The following USP8 variants were observed in gnomAD, a reference collection of about 807,000 sequenced individuals.
USP8 encodes the protein ubiquitin specific peptidase 8.
Under a neutral mutation model 130.0 loss-of-function variants are expected in USP8, and 27 were observed. That is an observed-to-expected ratio of 0.21 (90% confidence interval 0.15 to 0.29). The LOEUF is 0.29. Ranked by LOEUF, USP8 falls within the 10% of genes least tolerant of loss-of-function variation. The pLI is 1.00. For missense variants in USP8, 1,029 were observed against 1,312.2 expected (o/e 0.78, Z 3.33); for synonymous variants, 392 against 444.1 (o/e 0.88, Z 1.48).
chr15:50,486,034 C>T (rs1595974874), intron 12 of USP8, among the ~76,000 whole-genome samples: 1 of 151,942 alleles, frequency 6.6e-6, no homozygotes, highest in Admixed American at 6.6e-5. Flanking sequence ...TTCACAGATG[C>T]AGAACCGATG....
At chr15:50,490,238 T>G (rs75246077) in intron 13 of USP8, 25 bp from the exon 14 acceptor site, 1 of 1,159,128 alleles carries the variant, frequency 8.6e-7, no homozygotes, top group South Asian at 1.7e-5. Flanking sequence ...TTTTGACCTG[T>G]TTTTTTTTTT....
At chr15:50,436,345 G>A (rs61347713) in intron 1 of USP8, among the ~76,000 whole-genome samples, 2,348 of 151,674 alleles carry the variant, frequency 0.015, 62 homozygotes, top group African/African-American at 0.055. Context: ...TCTCTTTGAT[G>A]ATGACTTCCA....
At chr15:50,480,696 G>T (rs2051735390) in intron 10 of USP8, among the ~76,000 whole-genome samples, 1 of 152,122 alleles carries the variant, frequency 6.6e-6, no homozygotes. Flanking sequence ...GTAGGCAGAT[G>T]TAAGACCATA....
rs1191881928 is a variant in USP8, at chr15:50,514,260, G to A, written c.*15172G>A. ...AAGTCAGTGGTTTTCCAGACTCGAAGGCAGGTACAAGCACAGTTAGGGTGC... is the reference window on the plus strand; with the variant it reads ...AAGTCAGTGGTTTTCCAGACTCGAAAGCAGGTACAAGCACAGTTAGGGTGC... On this transcript the variant is annotated 3_prime_UTR_variant, in exon 20 of 20. Transcript: ENST00000307179. The A allele has an allele frequency of 6.6e-6, 1 of 152,136 alleles. No homozygotes were observed. Among genetic ancestry groups the A allele is most frequent in the Admixed American group, 6.6e-5 (1 of 15,262 alleles). The allele number at this position is 152,136 out of a possible 1,614,324, so 9.4% of individuals were successfully genotyped here. A position where few individuals can be genotyped will look rare whatever the true frequency, so the allele number is the denominator to read the frequency against.
chr15:50,508,289 G>A lies in USP8; in HGVS notation c.*9201G>A, dbSNP rs1305431857. 6.6e-6 allele frequency: 1 copy of A among 152,084 alleles called. No homozygotes were observed. Among genetic ancestry groups the A allele is most frequent in the Non-Finnish European group, 1.5e-5 (1 of 68,014 alleles). 9.4% of individuals were successfully genotyped at this position (152,084 alleles called of 1,614,324 possible). A position where few individuals can be genotyped will look rare whatever the true frequency, so the allele number is the denominator to read the frequency against. Reference sequence around the variant, plus strand: ...ACTATATCAAAACATGGGATGCACTGATGTCTGAGAATGTCTTAAAAATAA... The same window carrying A: ...ACTATATCAAAACATGGGATGCACTAATGTCTGAGAATGTCTTAAAAATAA... On this transcript the variant is annotated 3_prime_UTR_variant, in exon 20 of 20. Transcript: ENST00000307179.
chr15:50,458,873 G>A, intron 4 of USP8, 127 bp from the exon 5 acceptor site: 1 of 1,097,150 alleles, frequency 9.1e-7, no homozygotes, highest in Non-Finnish European at 1.3e-6. Context: ...GTGAATTGTG[G>A]TGGAGGGAGA....
rs139912757 is a variant in USP8, at chr15:50,481,627, C to T, written c.1365C>T (p.Leu455=). The T allele has an allele frequency of 6.8e-5, 110 of 1,613,860 alleles. No individual in the cohort carries two copies. The African/African-American group carries it at 1.0e-3, about 15-fold the overall frequency. The change falls in exon 11 of 20, where the codon CTC becomes CTT. Residue 455 remains leucine, a synonymous_variant. Transcript: ENST00000307179. ...AGCCAGTAGTTTTTTCTCCAACTCT[C>T]ATGTTAACAGATGAAGAAAAGGCTC... The part of the protein sequence containing the change: ...STKPVVFSPT[L]MLTDEEKARI...
At chr15:50,475,120 A>T (rs975268088) in intron 8 of USP8, among the ~76,000 whole-genome samples, 1 of 152,192 alleles carries the variant, frequency 6.6e-6, no homozygotes, top group African/African-American at 2.4e-5. Context: ...AAAAGAAAAG[A>T]CATTTAACTA....
intron 1 of USP8, among the ~76,000 whole-genome samples, chr15:50,429,261 C>T (rs975370819): frequency 6.7e-6 from 1 of 149,548 alleles, no homozygotes; most frequent in African/African-American, 2.5e-5. Flanking sequence ...CATTATAATA[C>T]CAATTTCAGA....
At chr15:50,467,019 C>T (rs1471993833) in intron 7 of USP8, 3 of 544,062 alleles carry the variant, frequency 5.5e-6, no homozygotes, top group African/African-American at 1.9e-5. Context: ...CTTGCACATC[C>T]TTTCTGAGAT....
chr15:50,499,304 A>G lies in USP8; in HGVS notation c.*216A>G. ...TCACTTACAGGTACCATTTATTTCAAAACAACTTTTTTAGTCTGCTCCAAA... is the reference window on the plus strand; with the variant it reads ...TCACTTACAGGTACCATTTATTTCAGAACAACTTTTTTAGTCTGCTCCAAA... On this transcript the variant is annotated 3_prime_UTR_variant, in exon 20 of 20. Transcript: ENST00000307179. The G allele has an allele frequency of 2.6e-6, 1 of 385,566 alleles. No homozygotes were observed. Among genetic ancestry groups the G allele is most frequent in the Non-Finnish European group, 4.5e-6 (1 of 223,796 alleles). 23.9% of individuals were successfully genotyped at this position (385,566 alleles called of 1,614,324 possible). A position where few individuals can be genotyped will look rare whatever the true frequency, so the allele number is the denominator to read the frequency against.
chr15:50,443,142 G>T (rs887826399), intron 3 of USP8, among the ~76,000 whole-genome samples: 18 of 152,080 alleles, frequency 1.2e-4, no homozygotes, highest in African/African-American at 4.3e-4. Context: ...GGGTTCAAGC[G>T]ATTCTCCTGC....
At chr15:50,427,202 C>T (rs750350710) in intron 1 of USP8, among the ~76,000 whole-genome samples, 15 of 152,136 alleles carry the variant, frequency 9.9e-5, no homozygotes, top group Non-Finnish European at 4.4e-5. Context: ...TCCGAAAGTG[C>T]TGGAATTACA....
chr15:50,425,321 G>A (rs2049677191), intron 1 of USP8, among the ~76,000 whole-genome samples: 1 of 152,196 alleles, frequency 6.6e-6, no homozygotes, highest in Non-Finnish European at 1.5e-5. Flanking sequence ...GCAAAGCATC[G>A]TTAGTTTTGT....
chr15:50,495,652 C>G (rs1212453235), intron 16 of USP8, among the ~76,000 whole-genome samples, 196 bp from the exon 17 acceptor site: 1 of 152,090 alleles, frequency 6.6e-6, no homozygotes, highest in African/African-American at 2.4e-5. Context: ...AGTCACATTC[C>G]TTCAATAAAG....
chr15:50,472,448 T>C (rs1396538241), intron 8 of USP8, among the ~76,000 whole-genome samples: 1 of 150,278 alleles, frequency 6.7e-6, no homozygotes, highest in East Asian at 2.0e-4. Context: ...TACAAAAAAA[T>C]TAGCCGGGCG....
intron 15 of USP8, 154 bp downstream of exon 15, chr15:50,493,067 C>T: frequency 1.2e-6 from 1 of 824,916 alleles, no homozygotes; most frequent in Non-Finnish European, 2.0e-6. Flanking sequence ...TAGTTCTTGA[C>T]TGGGAAGGCC....
chr15:50,482,194 G>C (rs1425490237), intron 11 of USP8, 129 bp downstream of exon 11: 1 of 779,190 alleles, frequency 1.3e-6, no homozygotes, highest in East Asian at 3.1e-5. Flanking sequence ...AGAATGTACT[G>C]ATCTATCCAC....
rs186762992 is a variant in USP8 at position 50,462,329 on chromosome 15, G to A, written c.541+7G>A. 21 of 1,598,470 alleles carry A rather than the reference G, an allele frequency of 1.3e-5. No individual in the cohort carries two copies. Reference sequence around the variant, plus strand: ...TGTGAGACCAAAGAGAAAGGTAAGTGTGTACAGAAGGAGGAAGTTGTTTTA... The same window carrying A: ...TGTGAGACCAAAGAGAAAGGTAAGTATGTACAGAAGGAGGAAGTTGTTTTA... On this transcript the variant is annotated splice_region_variant and intron_variant, in intron 6 of 19. Transcript: ENST00000307179.
Sources: gnomAD v4.1 joint callset for allele counts (sites outside exome capture counted in the v4.1 genomes callset) on GRCh38, gnomAD v4.1.1 for gene constraint, MANE v1.5 for transcripts, NCBI Gene and HGNC (gene_info 2026-07-23, HGNC 2026-07-21) for gene names.